The following USP43 variants were observed in gnomAD, a reference collection of about 807,000 sequenced individuals.
USP43 encodes ubiquitin specific peptidase 43.
A neutral mutation model predicts 90.7 loss-of-function variants in USP43; 33 were observed. The observed-to-expected ratio is 0.36, with a 90% CI of 0.28 to 0.49. The LOEUF (loss-of-function observed/expected upper bound fraction) is 0.49. USP43 is among the 20% of genes least tolerant of loss of function. USP43 has a pLI of 0.98. For missense variants in USP43, 1,274 were observed against 1,476.4 expected, an observed-to-expected ratio of 0.86 and a Z score of 2.25; for synonymous variants, 598 against 615.8, an observed-to-expected ratio of 0.97 and a Z score of 0.43.
intron 9 of USP43, among the ~76,000 whole-genome samples, chr17:9,697,690 A>C (rs1485144838): frequency 7.5e-6 from 1 of 132,676 alleles, no homozygotes; most frequent in Non-Finnish European, 1.6e-5. Flanking sequence ...TTGGCTGTGT[A>C]GTGTTCTGTG....
In USP43 at chr17:9,728,798, G is replaced by C; in HGVS notation, c.3180G>C (p.Glu1060Asp). Residue 1060 changes from glutamate to aspartate, a missense_variant, in exon 15 of 15, where the codon GAG becomes GAC. Transcript: ENST00000285199. The surrounding 1 kb of genome is among the most constrained non-coding windows in gnomAD (Gnocchi z 6.2). The part of the protein sequence containing the change: ...GLARGLGSRL[E>D]RDVWSAPSSL... ...CCAGGGGCCTGGGCAGCCGGCTCGAGAGGGATGTCTGGTCAGCCCCCAGCT... is the reference window on the plus strand; with the variant it reads ...CCAGGGGCCTGGGCAGCCGGCTCGACAGGGATGTCTGGTCAGCCCCCAGCT... 1.2e-6 allele frequency: 2 copies of C among 1,611,924 alleles called. No homozygotes were observed. Among genetic ancestry groups the C allele is most frequent in the Non-Finnish European group, 1.7e-6 (2 of 1,178,910 alleles).
chr17:9,705,616 G>C (rs142050557), intron 12 of USP43, among the ~76,000 whole-genome samples: 3 of 151,914 alleles, frequency 2.0e-5, no homozygotes, highest in Admixed American at 2.0e-4. Flanking sequence ...TCAGCCAGGC[G>C]TGGTGGCGTG....
intron 9 of USP43, among the ~76,000 whole-genome samples, chr17:9,693,963 G>A (rs576763218): frequency 8.5e-5 from 13 of 152,208 alleles, no homozygotes; most frequent in Non-Finnish European, 1.8e-4. Context: ...GTCCTAAACT[G>A]TAAGAGATTG....
Position 9,728,624 on chromosome 17 carries a change from G to A in USP43, c.3006G>A (p.Val1002=). The A allele has an allele frequency of 6.2e-7, 1 of 1,613,808 alleles. No individual in the cohort carries two copies. Among genetic ancestry groups the A allele is most frequent in the Non-Finnish European group, 8.5e-7 (1 of 1,179,834 alleles). ...GGACACTCACCCTTCTGAGGTCCGTGTTTCGGAAGAAGGAGAACAGGAGGA... is the reference window on the plus strand; with the variant it reads ...GGACACTCACCCTTCTGAGGTCCGTATTTCGGAAGAAGGAGAACAGGAGGA... The part of the protein sequence containing the change: ...LQGTLTLLRS[V]FRKKENRRNE... The change falls in exon 15 of 15, where the codon GTG becomes GTA. Residue 1002 remains valine, a synonymous_variant. Transcript: ENST00000285199. This position sits in a 1 kb window ranked among gnomAD's most constrained non-coding sequence, Gnocchi z 6.2.
At position 9,660,111 on chromosome 17, in the gene USP43, T is replaced by C. The variant is rs1912543784; in HGVS notation, c.636+3577T>C. Among the ~76,000 whole-genome samples the C allele has an allele frequency of 3.3e-5, 5 of 152,178 alleles. No homozygotes were observed. The South Asian group carries it at 1.0e-3, about 32-fold the overall frequency. ...GTGGTGCACCACCCCCAGACCTTTC[T>C]TTAAGATAATATTGTGTTTATTTAA... On this transcript the variant is annotated intron_variant, in intron 2 of 14. Coordinates refer to ENST00000285199, the MANE Select transcript of USP43 (RefSeq NM_153210.5).
intron 5 of USP43, 94 bp from the exon 6 acceptor site, chr17:9,680,137 A>G (rs1354955336): frequency 1.4e-6 from 2 of 1,421,888 alleles, no homozygotes; most frequent in Non-Finnish European, 1.9e-6. Context: ...GGAAAAGGTG[A>G]AAAATGGGTG....
At chr17:9,675,486 A>G (rs879785237) in intron 4 of USP43, among the ~76,000 whole-genome samples, 1 of 152,216 alleles carries the variant, frequency 6.6e-6, no homozygotes, top group Non-Finnish European at 1.5e-5. Context: ...GCCGAGTTCT[A>G]TAAAAATAAG....
chr17:9,724,753 A>T (rs993121726), intron 14 of USP43, among the ~76,000 whole-genome samples: 1 of 152,230 alleles, frequency 6.6e-6, no homozygotes, highest in Non-Finnish European at 1.5e-5. Context: ...TCATAAAGAC[A>T]GGTGCACCAT....
At chr17:9,698,973 T>C (rs1045911019) in intron 9 of USP43, among the ~76,000 whole-genome samples, 1 of 152,140 alleles carries the variant, frequency 6.6e-6, no homozygotes, top group Non-Finnish European at 1.5e-5. Context: ...AATGGAGAAT[T>C]TGGGGGACCT....
chr17:9,695,452 G>A (rs1209162946), intron 9 of USP43, among the ~76,000 whole-genome samples: 2 of 151,964 alleles, frequency 1.3e-5, no homozygotes, highest in African/African-American at 4.8e-5. Flanking sequence ...TCCTGCCTCA[G>A]CCTTCCAAGT....
intron 1 of USP43, chr17:9,647,079 AAAG>A: frequency 6.7e-6 from 1 of 149,274 alleles, no homozygotes; most frequent in African/African-American, 2.5e-5. Context: ...AAAAAAAAAA[AAAG>A]AAAAAAAAGA....
intron 14 of USP43, among the ~76,000 whole-genome samples, chr17:9,719,675 G>A (rs962138625): frequency 3.9e-5 from 6 of 152,174 alleles, no homozygotes; most frequent in Admixed American, 1.3e-4. Context: ...GAGAGAGACT[G>A]CAAGAGCCTT....
intron 8 of USP43, among the ~76,000 whole-genome samples, chr17:9,690,561 G>A (rs1011616924): frequency 7.2e-5 from 11 of 151,992 alleles, no homozygotes; most frequent in Non-Finnish European, 1.5e-4. Context: ...ACATTATACT[G>A]ATTAAAACAA....
At chr17:9,707,361 CT>C (rs1223880088) in intron 12 of USP43, among the ~76,000 whole-genome samples, 1 of 152,026 alleles carries the variant, frequency 6.6e-6, no homozygotes, top group African/African-American at 2.4e-5. Context: ...TTTAAAAATG[CT>C]TTGGCCAGGC....
At chr17:9,681,867 C>T (rs1914310989) in intron 6 of USP43, among the ~76,000 whole-genome samples, 1 of 152,134 alleles carries the variant, frequency 6.6e-6, no homozygotes, top group African/African-American at 2.4e-5. Flanking sequence ...CCTGGCCCCA[C>T]ATTTTGGCCA....
chr17:9,675,096 T>A, intron 4 of USP43, 113 bp downstream of exon 4: 1 of 920,380 alleles, frequency 1.1e-6, no homozygotes, highest in Non-Finnish European at 1.8e-6. Flanking sequence ...CAGCCAGCAT[T>A]TCTCTGGAAA....
intron 14 of USP43, among the ~76,000 whole-genome samples, chr17:9,717,016 A>G (rs962882911): frequency 2.0e-5 from 3 of 152,080 alleles, no homozygotes; most frequent in African/African-American, 7.2e-5. Flanking sequence ...GGCACCTGTA[A>G]TCTGAGCTAC....
intron 5 of USP43, among the ~76,000 whole-genome samples, chr17:9,679,950 C>T (rs1914053465): frequency 6.6e-6 from 1 of 151,580 alleles, no homozygotes; most frequent in African/African-American, 2.4e-5. Flanking sequence ...TTTTTGTTCA[C>T]ATGAAGAGGG....
intron 14 of USP43, among the ~76,000 whole-genome samples, chr17:9,715,313 C>T (rs1916439369): frequency 1.3e-5 from 2 of 152,052 alleles, no homozygotes; most frequent in South Asian, 4.1e-4. Context: ...ATTAGCCAGG[C>T]ATGGTGGCAT....
Sources: allele counts gnomAD v4.1 joint callset (sites outside exome capture counted in the v4.1 genomes callset), GRCh38; gene constraint gnomAD v4.1.1; non-coding constraint Gnocchi (gnomAD v3.1); transcripts MANE v1.5; gene names NCBI Gene and HGNC (gene_info 2026-07-23, HGNC 2026-07-21).